The following RNF216 variants were observed in gnomAD, a reference collection of about 807,000 sequenced individuals.
The protein encoded by RNF216 is E3 ubiquitin-protein ligase RNF216.
RNF216 carries 72 observed loss-of-function variants against 110.8 expected under a neutral mutation model. The ratio of observed to expected loss-of-function variants is 0.65; its 90% CI spans 0.54 to 0.79. The LOEUF is 0.79. RNF216 is among the 30% of genes least tolerant of loss of function. The pLI is 0.00. For missense variants in RNF216, 1,342 were observed against 1,141.2 expected (o/e 1.18, Z -2.54); for synonymous variants, 495 against 407.5 (o/e 1.21, Z -2.59).
intron 13 of RNF216, among the ~76,000 whole-genome samples, chr7:5,695,238 A>G (rs958138922): frequency 2.0e-5 from 3 of 152,206 alleles, no homozygotes; most frequent in African/African-American, 7.2e-5. Flanking sequence ...ACTGCAAGTC[A>G]AGAGTACCAA....
chr7:5,753,337 A>G (rs754308113), intron 2 of RNF216, among the ~76,000 whole-genome samples: 1 of 152,204 alleles, frequency 6.6e-6, no homozygotes, highest in Non-Finnish European at 1.5e-5. Flanking sequence ...ATAAATGTCT[A>G]TTTTATTTAA....
At chr7:5,660,264 T>TC (rs1451882864) in intron 13 of RNF216, among the ~76,000 whole-genome samples, 3 of 91,166 alleles carry the variant, frequency 3.3e-5, no homozygotes, top group Non-Finnish European at 6.5e-5. Flanking sequence ...TGTTTTAAAT[T>TC]CTTTTTTTTT....
At chr7:5,765,787 CAAAAA>C (rs56903968) in intron 1 of RNF216, among the ~76,000 whole-genome samples, 58,691 of 123,192 alleles carry the variant, frequency 0.48, 12,341 homozygotes, top group East Asian at 0.75. Context: ...TACTAAAATA[CAAAAA>C]AAAAAAAAAA....
intron 13 of RNF216, among the ~76,000 whole-genome samples, chr7:5,659,747 C>T (rs1056126575): frequency 5.3e-5 from 8 of 152,152 alleles, no homozygotes; most frequent in African/African-American, 1.9e-4. Flanking sequence ...CTCAACAGTC[C>T]TCCATAAATA....
intron 13 of RNF216, among the ~76,000 whole-genome samples, chr7:5,687,832 G>C (rs947289940): frequency 7.2e-5 from 11 of 152,150 alleles, no homozygotes; most frequent in African/African-American, 2.7e-4. Flanking sequence ...TTAATCTTCA[G>C]ACAACCCAGT....
intron 13 of RNF216, among the ~76,000 whole-genome samples, chr7:5,700,849 A>G (rs1791919047): frequency 2.0e-5 from 3 of 152,298 alleles, no homozygotes; most frequent in East Asian, 1.9e-4. Context: ...CCCTCCCAGT[A>G]GGACAAAAAC....
intron 2 of RNF216, among the ~76,000 whole-genome samples, chr7:5,758,538 C>T (rs778902197): frequency 5.9e-5 from 9 of 152,146 alleles, no homozygotes; most frequent in Non-Finnish European, 1.0e-4. Context: ...CAGGACTGCA[C>T]GAGACTTTCA....
chr7:5,744,901 G>C (rs1794952466), intron 3 of RNF216, among the ~76,000 whole-genome samples: 1 of 152,018 alleles, frequency 6.6e-6, no homozygotes, highest in Admixed American at 6.6e-5. Flanking sequence ...GAACCTGGGA[G>C]GCAGAGGTTG....
intron 1 of RNF216, among the ~76,000 whole-genome samples, chr7:5,773,385 G>T (rs1221000100): frequency 6.7e-6 from 1 of 149,882 alleles, no homozygotes; most frequent in East Asian, 2.0e-4. Context: ...TGGGATTAAG[G>T]GTGCCCGCCA....
intron 15 of RNF216, among the ~76,000 whole-genome samples, chr7:5,630,482 ATCT>A (rs1389973468): frequency 1.1e-4 from 16 of 151,968 alleles, no homozygotes; most frequent in South Asian, 4.2e-4. Flanking sequence ...GGCTCAAGTG[ATCT>A]TCTCACCTTA....
intron 14 of RNF216, among the ~76,000 whole-genome samples, chr7:5,650,782 A>T (rs1415329862): frequency 6.6e-6 from 1 of 151,880 alleles, no homozygotes; most frequent in Non-Finnish European, 1.5e-5. Context: ...AATCCAGATA[A>T]CCTCCCCATC....
At chr7:5,670,936 C>CT (rs1008920068) in intron 13 of RNF216, among the ~76,000 whole-genome samples, 1 of 152,212 alleles carries the variant, frequency 6.6e-6, no homozygotes, top group Admixed American at 6.5e-5. Flanking sequence ...CACCATGCCT[C>CT]TCCCTTCCCT....
At chr7:5,766,848 A>G (rs1796233951) in intron 1 of RNF216, 2 of 152,252 alleles carry the variant, frequency 1.3e-5, no homozygotes, top group Admixed American at 6.5e-5. Flanking sequence ...CTAAAATTCT[A>G]TACAACTATA....
At chr7:5,721,010 A>C (rs755053999) in intron 9 of RNF216, 23 bp downstream of exon 9, 6 of 1,613,208 alleles carry the variant, frequency 3.7e-6, no homozygotes, top group Non-Finnish European at 4.2e-6. Context: ...AACACACCCC[A>C]AGACCAGAGC....
At chr7:5,739,241 C>A in intron 5 of RNF216, 35 bp downstream of exon 5, 1 of 1,507,478 alleles carries the variant, frequency 6.6e-7, no homozygotes, top group Non-Finnish European at 8.8e-7. Context: ...ACCACCACCA[C>A]CACCACCACA....
intron 3 of RNF216, 131 bp downstream of exon 3, chr7:5,752,715 A>G (rs1795395954): frequency 6.3e-6 from 5 of 791,836 alleles, no homozygotes; most frequent in Admixed American, 5.8e-5. Context: ...TACACGAGGT[A>G]GAATGGAAAA....
At chr7:5,761,785 C>CAA (rs1199654099) in intron 1 of RNF216, among the ~76,000 whole-genome samples, 1 of 87,260 alleles carries the variant, frequency 1.1e-5, no homozygotes, top group Non-Finnish European at 2.4e-5. Flanking sequence ...GACTCCGTCA[C>CAA]AAAAAAAAAA....
chr7:5,710,816 C>T (rs767117755), intron 13 of RNF216, among the ~76,000 whole-genome samples: 7 of 152,262 alleles, frequency 4.6e-5, no homozygotes, highest in South Asian at 2.1e-4. Flanking sequence ...CCAGGCAGTC[C>T]AACACCTGAC....
At chr7:5,698,060 T>C (rs1584470296) in intron 13 of RNF216, among the ~76,000 whole-genome samples, 1 of 152,020 alleles carries the variant, frequency 6.6e-6, no homozygotes, top group East Asian at 1.9e-4. Flanking sequence ...TGACGGGAAA[T>C]AAAACTGAAA....
Sources: allele counts gnomAD v4.1 joint callset (sites outside exome capture counted in the v4.1 genomes callset), GRCh38; gene constraint gnomAD v4.1.1; transcripts MANE v1.5; gene names NCBI Gene and HGNC (gene_info 2026-07-23, HGNC 2026-07-21).